Variants in CCM2 observed in about 807,000 individuals in gnomAD.
CCM2 encodes the protein cerebral cavernous malformations 2 protein.
In CCM2, 25 loss-of-function variants were observed where a neutral mutation model predicts 44.9. The observed-to-expected ratio is 0.56, with a 90% CI of 0.41 to 0.78. The LOEUF is 0.78. CCM2 is among the 30% of genes least tolerant of loss of function. The pLI is 0.00. For synonymous variants in CCM2, 219 were observed against 241.1 expected (o/e 0.91, Z 0.85); for missense variants, 481 against 580.6 (o/e 0.83, Z 1.76).
intron 1 of CCM2, chr7:45,027,873 C>A: frequency 6.7e-7 from 1 of 1,485,440 alleles, no homozygotes; most frequent in Admixed American, 1.7e-5. Flanking sequence ...GCTTTCATGG[C>A]TGCTTCCCAG....
intron 1 of CCM2, among the ~76,000 whole-genome samples, chr7:45,030,540 A>G (rs1796915232): frequency 6.6e-6 from 1 of 152,084 alleles, no homozygotes; most frequent in Non-Finnish European, 1.5e-5. Context: ...AGCTCAAGTG[A>G]TCCTCCCACC....
intron 2 of CCM2, among the ~76,000 whole-genome samples, chr7:45,057,084 T>C (rs893857449): frequency 6.6e-6 from 1 of 152,212 alleles, no homozygotes; most frequent in South Asian, 2.1e-4. Context: ...CTTTTCCCCA[T>C]TGAATGCTCA....
intron 2 of CCM2, among the ~76,000 whole-genome samples, chr7:45,062,483 T>C (rs1177411914): frequency 6.6e-6 from 1 of 152,184 alleles, no homozygotes; most frequent in Non-Finnish European, 1.5e-5. Context: ...AAAAACCTTT[T>C]TACTAAATGT....
intron 4 of CCM2, among the ~76,000 whole-genome samples, chr7:45,066,534 T>C (rs575326463): frequency 9.2e-5 from 14 of 152,202 alleles, no homozygotes; most frequent in Admixed American, 9.2e-4. Context: ...GTGCCTGCTA[T>C]GTGCAAGCAA....
intron 4 of CCM2, chr7:45,067,991 A>G: frequency 4.0e-6 from 1 of 248,396 alleles, no homozygotes; most frequent in Non-Finnish European, 8.0e-6. Context: ...GGCAATGGGT[A>G]GGATGTTAGA....
intron 1 of CCM2, chr7:45,027,324 C>T (rs1382714746): frequency 8.6e-6 from 3 of 349,574 alleles, no homozygotes; most frequent in Non-Finnish European, 1.7e-5. Flanking sequence ...AAATGGTAGC[C>T]CCTCACAGTG....
intron 2 of CCM2, among the ~76,000 whole-genome samples, chr7:45,045,891 C>T (rs1350328878): frequency 6.6e-6 from 1 of 152,154 alleles, no homozygotes; most frequent in African/African-American, 2.4e-5. Flanking sequence ...TTCACAATCA[C>T]TTAAAAAATG....
chr7:45,062,845 G>A lies in CCM2; in HGVS notation c.205-1073G>A, dbSNP rs535032089. On this transcript the variant is annotated intron_variant, in intron 2 of 9. Transcript: ENST00000258781. ...CTGTCTCAAAAAAAAAAAAAAAATC[G>A]TATCGTTCTGGAGGCTAGGAGGTTT... 1.7e-4 allele frequency among the ~76,000 whole-genome samples: 24 copies of A among 145,372 alleles called. No homozygotes were observed. The East Asian group carries it at 2.2e-3, about 13-fold the overall frequency.
At chr7:45,046,786 A>G (rs1797775030) in intron 2 of CCM2, among the ~76,000 whole-genome samples, 1 of 152,190 alleles carries the variant, frequency 6.6e-6, no homozygotes, top group African/African-American at 2.4e-5. Context: ...CAATGAAAAC[A>G]TATGCTACAG....
chr7:45,065,106 G>T (rs1251421563), intron 4 of CCM2, among the ~76,000 whole-genome samples: 3 of 151,790 alleles, frequency 2.0e-5, no homozygotes, highest in Admixed American at 6.6e-5. Flanking sequence ...GGTCATAGAG[G>T]TTACTCTCTG....
At position 45,038,329 on chromosome 7, in the gene CCM2, T is replaced by G. The variant is rs1226891126; in HGVS notation, c.107T>G (p.Val36Gly). 1 of 1,614,102 alleles carries G rather than the reference T, an allele frequency of 6.2e-7. No homozygotes were observed. ...KSRDKKAHEK[V>G]TERRPLHTVV... ...AGAGATAAGAAAGCCCATGAGAAGGTGACAGAGAGGCGCCCTCTGCACACT... is the reference window on the plus strand; with the variant it reads ...AGAGATAAGAAAGCCCATGAGAAGGGGACAGAGAGGCGCCCTCTGCACACT... Residue 36 changes from valine to glycine, a missense_variant, in exon 2 of 10, where the codon GTG (valine) becomes GGG (glycine). Val to Gly is a moderately radical substitution (Grantham distance 109). Coordinates refer to ENST00000258781, the MANE Select transcript of CCM2 (RefSeq NM_031443.4).
In CCM2 at chr7:45,053,410, G is replaced by C. The variant is rs538625566; in HGVS notation, c.205-10508G>C. ...TTGTAGAAGCTCACCTTAGCCTTCT[G>C]CTTATTCCGTTTTGATTTTCTTGTT... is the stretch of plus-strand genomic sequence containing the variant. On this transcript the variant is annotated intron_variant, in intron 2 of 9. Transcript: ENST00000258781. Among the ~76,000 whole-genome samples the C allele has an allele frequency of 5.3e-5, 8 of 152,304 alleles. No homozygotes were observed. The South Asian group carries it at 1.5e-3, about 28-fold the overall frequency.
chr7:45,015,009 T>G (rs1002953818), intron 1 of CCM2, among the ~76,000 whole-genome samples: 41 of 152,198 alleles, frequency 2.7e-4, no homozygotes, highest in Non-Finnish European at 1.6e-4. Flanking sequence ...GCCCTTGTCT[T>G]TCTTTAAACA....
intron 2 of CCM2, among the ~76,000 whole-genome samples, chr7:45,042,200 A>G (rs1797538810): frequency 7.0e-6 from 1 of 142,580 alleles, no homozygotes; most frequent in Non-Finnish European, 1.5e-5. Flanking sequence ...CGGAAGATGG[A>G]GATTGCAGTG....
intron 1 of CCM2, among the ~76,000 whole-genome samples, chr7:45,004,036 T>C (rs1295598115): frequency 6.6e-6 from 1 of 152,100 alleles, no homozygotes; most frequent in East Asian, 1.9e-4. Context: ...GAAAATTAGC[T>C]GAGCATGGTG....
chr7:45,007,683 C>T (rs1357281381), intron 1 of CCM2, among the ~76,000 whole-genome samples: 1 of 152,052 alleles, frequency 6.6e-6, no homozygotes, highest in East Asian at 1.9e-4. Flanking sequence ...ATAATAGGAA[C>T]ATGGAATTTG....
At chr7:45,004,549 G>C (rs569945868) in intron 1 of CCM2, among the ~76,000 whole-genome samples, 1 of 152,286 alleles carries the variant, frequency 6.6e-6, no homozygotes, top group East Asian at 1.9e-4. Flanking sequence ...GATTGGACCA[G>C]TACCTTTTAA....
At chr7:45,043,784 A>C in intron 2 of CCM2, 1 of 366,694 alleles carries the variant, frequency 2.7e-6, no homozygotes, top group Non-Finnish European at 5.2e-6. Flanking sequence ...CCTATTCTTT[A>C]CTCTTCCCAA....
chr7:45,045,241 C>T (rs1041186693), intron 2 of CCM2, among the ~76,000 whole-genome samples: 2 of 152,156 alleles, frequency 1.3e-5, no homozygotes, highest in African/African-American at 2.4e-5. Context: ...AAAATCAGCG[C>T]CTGGTTTCCA....
Sources: allele counts gnomAD v4.1 joint callset (sites outside exome capture counted in the v4.1 genomes callset), GRCh38; gene constraint gnomAD v4.1.1; transcripts MANE v1.5; gene names NCBI Gene and HGNC (gene_info 2026-07-23, HGNC 2026-07-21).